Variants in DCAF5 observed in about 807,000 individuals in gnomAD.
DCAF5 encodes the protein DDB1 and CUL4 associated factor 5.
DCAF5 carries 9 observed loss-of-function variants against 80.7 expected under a neutral mutation model. The ratio of observed to expected loss-of-function variants is 0.11; its 90% confidence interval spans 0.07 to 0.19. The LOEUF (loss-of-function observed/expected upper bound fraction) is 0.19, where lower values mean the gene tolerates loss of function less well. Ranked by LOEUF, DCAF5 falls within the 10% of genes least tolerant of loss-of-function variation. The probability of loss-of-function intolerance (pLI) is 1.00; values close to 1 mark genes in which losing one functional copy is unlikely to be tolerated. For missense variants in DCAF5, 842 were observed against 1,205.7 expected (o/e 0.70, Z 4.47); for synonymous variants, 433 against 461.9 (o/e 0.94, Z 0.80).
At chr14:69,140,356 G>T (rs1045161727) in intron 1 of DCAF5, among the ~76,000 whole-genome samples, 1 of 152,060 alleles carries the variant, frequency 6.6e-6, no homozygotes, top group Admixed American at 6.6e-5. Context: ...ATTCTTCTCC[G>T]GGCCACTTGA....
At chr14:69,132,028 TTATC>T (rs2041054610) in intron 1 of DCAF5, among the ~76,000 whole-genome samples, 1 of 152,156 alleles carries the variant, frequency 6.6e-6, no homozygotes, top group African/African-American at 2.4e-5. Context: ...TACATTTTGT[TTATC>T]TATTCATCCA....
chr14:69,106,254 C>T (rs1484903530), intron 5 of DCAF5, among the ~76,000 whole-genome samples: 1 of 151,944 alleles, frequency 6.6e-6, no homozygotes, highest in African/African-American at 2.4e-5. Context: ...CAGGGTTTCA[C>T]TATGTTGGCC....
chr14:69,066,387 G>T (rs1306548535), intron 7 of DCAF5, among the ~76,000 whole-genome samples: 1 of 152,004 alleles, frequency 6.6e-6, no homozygotes, highest in African/African-American at 2.4e-5. Flanking sequence ...TGCCCGCCTT[G>T]GCCTCCCAAA....
intron 6 of DCAF5, among the ~76,000 whole-genome samples, chr14:69,086,736 T>C (rs752152802): frequency 7.9e-5 from 12 of 151,720 alleles, no homozygotes; most frequent in Admixed American, 2.0e-4. Flanking sequence ...CCCAGAGAGG[T>C]TGAGTGGTGA....
intron 8 of DCAF5, among the ~76,000 whole-genome samples, chr14:69,060,543 T>G (rs2038169006): frequency 6.6e-6 from 1 of 152,076 alleles, no homozygotes. Flanking sequence ...ATTTCTTTTT[T>G]TTTTTGGAGA....
At chr14:69,108,362 A>T (rs1025800975) in intron 5 of DCAF5, among the ~76,000 whole-genome samples, 1 of 152,196 alleles carries the variant, frequency 6.6e-6, no homozygotes, top group Admixed American at 6.5e-5. Context: ...AAAATCAAGA[A>T]AACAGGAGAA....
intron 5 of DCAF5, among the ~76,000 whole-genome samples, chr14:69,111,798 A>G (rs1412886073): frequency 6.6e-6 from 1 of 152,196 alleles, no homozygotes; most frequent in Non-Finnish European, 1.5e-5. Context: ...AGAACATGCA[A>G]TGTACACTTG....
At chr14:69,071,978 C>G in intron 7 of DCAF5, among the ~76,000 whole-genome samples, 1 of 152,092 alleles carries the variant, frequency 6.6e-6, no homozygotes, top group East Asian at 1.9e-4. Context: ...CCCATATAAG[C>G]AGAAGTCTGG....
chr14:69,089,914 G>C (rs1329615360), intron 6 of DCAF5: 2 of 984,430 alleles, frequency 2.0e-6, no homozygotes, highest in African/African-American at 3.5e-5. Flanking sequence ...TGTTAACAAT[G>C]ATAAGGATGG....
intron 5 of DCAF5, among the ~76,000 whole-genome samples, chr14:69,096,061 A>T (rs1448264525): frequency 6.6e-6 from 1 of 152,232 alleles, no homozygotes; most frequent in Admixed American, 6.5e-5. Flanking sequence ...TGTATTTCCT[A>T]TAATACAACC....
chr14:69,116,824 C>T (rs1267565260), intron 4 of DCAF5, among the ~76,000 whole-genome samples: 1 of 152,134 alleles, frequency 6.6e-6, no homozygotes, highest in Non-Finnish European at 1.5e-5. Context: ...CTGAATTCCA[C>T]ATGAGCTGAA....
chr14:69,072,623 TAAAA>T (rs57781214), intron 7 of DCAF5, among the ~76,000 whole-genome samples: 8,005 of 116,386 alleles, frequency 0.069, 718 homozygotes, highest in African/African-American at 0.23. Context: ...ACCCTGACTT[TAAAA>T]AAAAAAAAAA....
At chr14:69,146,264 A>T (rs528378151) in intron 1 of DCAF5, among the ~76,000 whole-genome samples, 1 of 152,372 alleles carries the variant, frequency 6.6e-6, no homozygotes, top group East Asian at 1.9e-4. Flanking sequence ...TGATGTATTA[A>T]TAACAATGTC....
chr14:69,107,986 C>T lies in DCAF5; in HGVS notation c.665+8380G>A, dbSNP rs1340735981. ...GTAATAATACATATTAGGACAAATG[C>T]CTCCTTTCTGTGAAGCAGCTCCTGG... On this transcript the variant is annotated intron_variant, in intron 5 of 8. Coordinates refer to ENST00000341516, the MANE Select transcript of DCAF5 (RefSeq NM_003861.3). Among the ~76,000 whole-genome samples, 5 of 152,198 alleles carry T rather than the reference C, an allele frequency of 3.3e-5. No homozygotes were observed. The South Asian group carries it at 1.0e-3, about 31-fold the overall frequency.
chr14:69,062,705 T>G (rs1352975839), intron 7 of DCAF5, among the ~76,000 whole-genome samples, 194 bp from the exon 8 acceptor site: 1 of 152,202 alleles, frequency 6.6e-6, no homozygotes, highest in African/African-American at 2.4e-5. Flanking sequence ...TGTGCTCTTA[T>G]GAAGAGCCTT....
In DCAF5 at chr14:69,113,337, G is replaced by A. The variant is rs147191861; in HGVS notation, c.665+3029C>T. Among the ~76,000 whole-genome samples the A allele has an allele frequency of 6.6e-4, 101 of 152,216 alleles. 1 individual carries two copies. The East Asian group carries it at 0.014, about 20-fold the overall frequency. On this transcript the variant is annotated intron_variant, in intron 5 of 8. Coordinates refer to ENST00000341516, the MANE Select transcript of DCAF5 (RefSeq NM_003861.3). ...AAAAACCTGATAAGGAACCACAACA[G>A]GTTTAAAACCTAGGGTAATCAGAAC... is the stretch of plus-strand genomic sequence containing the variant.
Position 69,142,514 on chromosome 14 carries a change from A to G in DCAF5, c.214+10251T>C, listed in dbSNP as rs2041408503. On this transcript the variant is annotated intron_variant, in intron 1 of 8. Coordinates refer to ENST00000341516, the MANE Select transcript of DCAF5 (RefSeq NM_003861.3). Reference sequence around the variant, plus strand: ...AGTGACGTTGTGGTGACAGAAGCAAATTTTACTTACAAGAACACTATGCTT... The same window carrying G: ...AGTGACGTTGTGGTGACAGAAGCAAGTTTTACTTACAAGAACACTATGCTT... Among the ~76,000 whole-genome samples the G allele has an allele frequency of 3.3e-5, 5 of 152,112 alleles. No homozygotes were observed. The South Asian group carries it at 1.0e-3, about 32-fold the overall frequency.
rs1279630576 is a variant in DCAF5, at chr14:69,053,530, T to C, written c.*327A>G. The C allele has an allele frequency of 7.8e-6, 2 of 257,090 alleles. No individual in the cohort carries two copies. Among genetic ancestry groups the C allele is most frequent in the East Asian group, 9.7e-5 (1 of 10,350 alleles). 15.9% of individuals were successfully genotyped at this position (257,090 alleles called of 1,614,324 possible). A position where few individuals can be genotyped will look rare whatever the true frequency, so the allele number is the denominator to read the frequency against. Reference sequence around the variant, plus strand: ...GACAATAAGCGCACACGTGCCATTGTGCGTACACAAGAACAAGTCGAACGT... The same window carrying C: ...GACAATAAGCGCACACGTGCCATTGCGCGTACACAAGAACAAGTCGAACGT... On this transcript the variant is annotated 3_prime_UTR_variant, in exon 9 of 9. Coordinates refer to ENST00000341516, the MANE Select transcript of DCAF5 (RefSeq NM_003861.3).
In DCAF5 at chr14:69,091,677, G is replaced by A; in HGVS notation, c.876C>T (p.Asp292=). 6.2e-7 allele frequency: 1 copy of A among 1,613,858 alleles called. No individual in the cohort carries two copies. Among genetic ancestry groups the A allele is most frequent in the Middle Eastern group, 1.7e-4 (1 of 6,060 alleles). The change falls in exon 6 of 9, where the codon GAC becomes GAT. Residue 292 remains aspartate (D), a synonymous_variant. Transcript: ENST00000341516. The stretch of plus-strand genomic sequence containing the variant: ...GCAGGAGGCAGACAGCATTTACCTG[G>A]TCACGATCTCCTGCAAAACAGCAGC... ...MKSCCFAGDR[D]QYILSGSDDF... is the part of the protein sequence containing the mutation.
Sources: gnomAD v4.1 joint callset for allele counts (sites outside exome capture counted in the v4.1 genomes callset) on GRCh38, gnomAD v4.1.1 for gene constraint, MANE v1.5 for transcripts, NCBI Gene and HGNC (gene_info 2026-07-23, HGNC 2026-07-21) for gene names.